PPP1R1C: variants seen among roughly 807,000 people sequenced by gnomAD.
The protein encoded by PPP1R1C is protein phosphatase 1 regulatory inhibitor subunit 1C.
PPP1R1C carries 15 observed loss-of-function variants against 17.4 expected under a neutral mutation model. That is an observed-to-expected ratio of 0.86 (90% CI 0.58 to 1.33). The LOEUF (loss-of-function observed/expected upper bound fraction) is 1.33, where lower values mean the gene tolerates loss of function less well. Ranked by LOEUF, PPP1R1C falls within the 40% of genes most tolerant of loss-of-function variation. The pLI, the probability that PPP1R1C is intolerant of heterozygous loss-of-function variation, is 0.00. For synonymous variants in PPP1R1C, 35 were observed against 43.1 expected, an observed-to-expected ratio of 0.81 and a Z score of 0.73; for missense variants, 143 against 130.0, an observed-to-expected ratio of 1.10 and a Z score of -0.48.
At chr2:181,995,310 G>C (rs1250158544) in intron 2 of PPP1R1C, among the ~76,000 whole-genome samples, 1 of 152,154 alleles carries the variant, frequency 6.6e-6, no homozygotes, top group African/African-American at 2.4e-5. Flanking sequence ...TAATACTTAA[G>C]AGTAGAGGCT....
downstream of PPP1R1C, chr2:182,130,757 G>C (rs1689989396): frequency 6.6e-6 from 1 of 152,072 alleles, no homozygotes; most frequent in South Asian, 2.1e-4. Flanking sequence ...AGATTTTTCT[G>C]TTTTGAATTT....
chr2:182,046,006 T>C (rs1183783479), intron 2 of PPP1R1C, among the ~76,000 whole-genome samples: 1 of 152,162 alleles, frequency 6.6e-6, no homozygotes, highest in Non-Finnish European at 1.5e-5. Flanking sequence ...AATATACATA[T>C]GCATAGTGAA....
At chr2:182,078,883 A>G (rs1216580476) in intron 4 of PPP1R1C, among the ~76,000 whole-genome samples, 1 of 152,238 alleles carries the variant, frequency 6.6e-6, no homozygotes, top group African/African-American at 2.4e-5. Context: ...AACCAACAGA[A>G]TGACACAGAG....
At chr2:182,053,251 A>G (rs1687580069) in intron 2 of PPP1R1C, among the ~76,000 whole-genome samples, 1 of 152,176 alleles carries the variant, frequency 6.6e-6, no homozygotes, top group South Asian at 2.1e-4. Flanking sequence ...TGTGGTGAAA[A>G]ATGTTTTCAG....
At chr2:182,096,109 G>T (rs1409920751) in intron 4 of PPP1R1C, among the ~76,000 whole-genome samples, 3 of 151,996 alleles carry the variant, frequency 2.0e-5, no homozygotes, top group Admixed American at 2.0e-4. Context: ...AATGAAACCC[G>T]AAATTCTAGA....
intron 2 of PPP1R1C, among the ~76,000 whole-genome samples, chr2:182,018,712 G>T (rs1198835592): frequency 6.6e-6 from 1 of 152,194 alleles, no homozygotes; most frequent in Non-Finnish European, 1.5e-5. Context: ...TTTGAAACAT[G>T]GAGTGGCATG....
intron 2 of PPP1R1C, chr2:182,048,679 A>C (rs1313503095): frequency 6.6e-6 from 1 of 152,228 alleles, no homozygotes; most frequent in Non-Finnish European, 1.5e-5. Context: ...GATTGTATTG[A>C]ATTAGTAGAT....
chr2:182,022,194 A>T (rs1438648772), intron 2 of PPP1R1C, among the ~76,000 whole-genome samples: 1 of 152,360 alleles, frequency 6.6e-6, no homozygotes, highest in African/African-American at 2.4e-5. Flanking sequence ...ACATAAATTG[A>T]TGAAAATTTT....
At position 182,081,993 on chromosome 2, in the gene PPP1R1C, T is replaced by TA. The variant is rs576295332; in HGVS notation, c.241+18209dup. Among the ~76,000 whole-genome samples the TA allele has an allele frequency of 1.2e-3, 183 of 152,270 alleles. 2 individuals carry two copies. The highest frequency in any genetic ancestry group is 4.2e-3 in the African/African-American group (173 of 41,554). ...CATACCTCCCTATGCCTATTTTTTT[T>TA]AAAAAAAGGTCTTTTTTATTCCTGA... On this transcript the variant is annotated intron_variant, in intron 4 of 4. Transcript: ENST00000682840.
Position 182,018,141 on chromosome 2 carries a change from A to G in PPP1R1C, c.142+30242A>G, listed in dbSNP as rs185130600. ...CAGTAATGTGAAAAAACGACTTTAT[A>G]CTATAAAGCTCTCAGCTATAATGAT... On this transcript the variant is annotated intron_variant, in intron 2 of 4. Coordinates refer to ENST00000682840, the MANE Select transcript of PPP1R1C (RefSeq NM_001080545.3). 6.2e-4 allele frequency among the ~76,000 whole-genome samples: 94 copies of G among 152,320 alleles called. 1 individual carries two copies. The Middle Eastern group carries it at 0.014, about 22-fold the overall frequency.
At chr2:182,100,110 A>G (rs1689054019) in intron 4 of PPP1R1C, among the ~76,000 whole-genome samples, 1 of 152,212 alleles carries the variant, frequency 6.6e-6, no homozygotes, top group Admixed American at 6.5e-5. Flanking sequence ...TTCTCAGTTC[A>G]TCATAAGTGT....
chr2:181,999,873 T>G (rs1464809435), intron 2 of PPP1R1C, among the ~76,000 whole-genome samples: 4 of 152,164 alleles, frequency 2.6e-5, no homozygotes, highest in Non-Finnish European at 5.9e-5. Flanking sequence ...CTCTGTTTGC[T>G]TACCTATATA....
At chr2:182,019,865 G>GT (rs1193887485) in intron 2 of PPP1R1C, among the ~76,000 whole-genome samples, 2 of 152,328 alleles carry the variant, frequency 1.3e-5, no homozygotes, top group African/African-American at 4.8e-5. Context: ...TTCCTGAGCT[G>GT]AAGCCAAGCT....
chr2:182,122,930 G>C (rs1997444), intron 5 of PPP1R1C, among the ~76,000 whole-genome samples: 99,758 of 151,600 alleles, frequency 0.66, 32,935 homozygotes, highest in Admixed American at 0.7. Context: ...TAGGTATACA[G>C]GTGCCATGGT....
chr2:182,086,327 A>G (rs1456598810), intron 4 of PPP1R1C, among the ~76,000 whole-genome samples: 4 of 152,200 alleles, frequency 2.6e-5, no homozygotes, highest in Non-Finnish European at 4.4e-5. Context: ...CTCATTTATA[A>G]TTGAAAAAAT....
intron 4 of PPP1R1C, among the ~76,000 whole-genome samples, chr2:182,085,499 C>G (rs890266928): frequency 6.6e-6 from 1 of 152,024 alleles, no homozygotes; most frequent in African/African-American, 2.4e-5. Flanking sequence ...AGCCCCCATT[C>G]GAGTATGAAC....
intron 4 of PPP1R1C, among the ~76,000 whole-genome samples, chr2:182,077,957 G>C (rs1030293822): frequency 6.6e-6 from 1 of 152,174 alleles, no homozygotes; most frequent in Non-Finnish European, 1.5e-5. Flanking sequence ...AAGGAGGACG[G>C]CTTGAGATCA....
rs61413642 is a variant in PPP1R1C at position 181,967,958 on chromosome 2, A to G, written n.112-7261A>G. Reference sequence around the variant, plus strand: ...TCAAACTCCCAATCTCAGGTGATCCACCCGCCTTGGTCTCCCAAAGTGCTG... The same window carrying G: ...TCAAACTCCCAATCTCAGGTGATCCGCCCGCCTTGGTCTCCCAAAGTGCTG... On this transcript the variant is annotated intron_variant and non_coding_transcript_variant, in intron 1 of 5. Transcript: ENST00000464264. This position sits in a 1 kb window ranked among gnomAD's most constrained non-coding sequence, Gnocchi z 5.5. Among the ~76,000 whole-genome samples, 26,719 of 152,014 alleles carry G rather than the reference A, an allele frequency of 0.18. 4,191 individuals are homozygous for G. The highest frequency in any genetic ancestry group is 0.41 in the African/African-American group (17,106 of 41,462).
chr2:181,970,877 G>T (rs1229175844), intron 1 of PPP1R1C, among the ~76,000 whole-genome samples: 1 of 152,112 alleles, frequency 6.6e-6, no homozygotes, highest in African/African-American at 2.4e-5. Context: ...GGAGAGTACT[G>T]ACTGGCTACC....
Sources: gnomAD v4.1 joint callset for allele counts (sites outside exome capture counted in the v4.1 genomes callset) on GRCh38, gnomAD v4.1.1 for gene constraint, Gnocchi (gnomAD v3.1) non-coding constraint, MANE v1.5 for transcripts, NCBI Gene and HGNC (gene_info 2026-07-23, HGNC 2026-07-21) for gene names.